SPATS2L: variants seen among roughly 807,000 people sequenced by gnomAD.
SPATS2L encodes the protein spermatogenesis associated serine rich 2 like, also known as SPATS2-like protein.
Under a neutral mutation model 59.6 loss-of-function variants are expected in SPATS2L, and 30 were observed. The ratio of observed to expected loss-of-function variants is 0.50; its 90% CI spans 0.38 to 0.68. The LOEUF (loss-of-function observed/expected upper bound fraction) is 0.68. Ranked by LOEUF, SPATS2L falls within the 30% of genes least tolerant of loss-of-function variation. The pLI, the probability that SPATS2L is intolerant of heterozygous loss-of-function variation, is 0.00. For missense variants in SPATS2L, 615 were observed against 700.0 expected, an observed-to-expected ratio of 0.88 and a Z score of 1.37; for synonymous variants, 252 against 263.5, an observed-to-expected ratio of 0.96 and a Z score of 0.42.
intron 12 of SPATS2L, 108 bp downstream of exon 12, chr2:200,473,160 G>C (rs2087204019): frequency 2.7e-6 from 3 of 1,107,956 alleles, no homozygotes; most frequent in Non-Finnish European, 3.8e-6. Flanking sequence ...GTCACACTCA[G>C]GCTCCCGCCA....
At chr2:200,436,746 G>A (rs2084321971) in intron 6 of SPATS2L, among the ~76,000 whole-genome samples, 1 of 152,076 alleles carries the variant, frequency 6.6e-6, no homozygotes, top group Admixed American at 6.6e-5. Flanking sequence ...TCAAGAATAT[G>A]ATCTCTTTAC....
chr2:200,439,989 A>T (rs2106104475), intron 7 of SPATS2L, among the ~76,000 whole-genome samples: 1 of 152,262 alleles, frequency 6.6e-6, no homozygotes. Flanking sequence ...GGTTTGATCT[A>T]CTTTCTCATT....
chr2:200,473,227 C>G (rs927006130), intron 12 of SPATS2L, among the ~76,000 whole-genome samples, 175 bp downstream of exon 12: 1 of 152,188 alleles, frequency 6.6e-6, no homozygotes, highest in African/African-American at 2.4e-5. Flanking sequence ...CTTGGGAACT[C>G]CCCTGGTCGC....
Position 200,477,669 on chromosome 2 carries a change from C to T in SPATS2L, c.1315C>T (p.Pro439Ser), listed in dbSNP as rs1171286966. 1 of 1,561,256 alleles carries T rather than the reference C, an allele frequency of 6.4e-7. No homozygotes were observed. The change falls in exon 13 of 13, where the codon CCA becomes TCA. Residue 439 changes from proline to serine, a missense_variant. Pro to Ser is a moderately conservative substitution (Grantham distance 74, BLOSUM62 -1). Coordinates refer to ENST00000409140, the MANE Select transcript of SPATS2L (RefSeq NM_001100423.2). The part of the protein sequence containing the change: ...GSSNQRRRFN[P>S]QYHNNRLNGP... Reference sequence around the variant, plus strand: ...TTCTAACCAAAGACGGAGATTTAATCCACAGTATCATAACAACAGGCTAAA... The same window carrying T: ...TTCTAACCAAAGACGGAGATTTAATTCACAGTATCATAACAACAGGCTAAA...
intron 2 of SPATS2L, among the ~76,000 whole-genome samples, chr2:200,367,114 A>G (rs1054506375): frequency 1.3e-5 from 2 of 152,226 alleles, no homozygotes; most frequent in Non-Finnish European, 2.9e-5. Context: ...TCAGTATTCT[A>G]AGTAAACTCA....
At chr2:200,456,302 T>C (rs992050835) in intron 8 of SPATS2L, among the ~76,000 whole-genome samples, 1 of 152,150 alleles carries the variant, frequency 6.6e-6, no homozygotes, top group African/African-American at 2.4e-5. Flanking sequence ...AGAGCTTGAA[T>C]TACTACGATG....
At chr2:200,393,435 C>T (rs2082232208) in intron 3 of SPATS2L, among the ~76,000 whole-genome samples, 1 of 152,246 alleles carries the variant, frequency 6.6e-6, no homozygotes, top group Non-Finnish European at 1.5e-5. Context: ...TCCTCATGAG[C>T]AGTGTCAGAT....
At chr2:200,311,453 A>C (rs1346987796) in intron 1 of SPATS2L, among the ~76,000 whole-genome samples, 1 of 152,210 alleles carries the variant, frequency 6.6e-6, no homozygotes, top group Non-Finnish European at 1.5e-5. Flanking sequence ...AGTACTGAGC[A>C]AAAAAAGCAT....
At chr2:200,431,855 A>G (rs1418430036) in intron 6 of SPATS2L, among the ~76,000 whole-genome samples, 1 of 152,352 alleles carries the variant, frequency 6.6e-6, no homozygotes, top group South Asian at 2.1e-4. Flanking sequence ...AACAAAAACA[A>G]CCAGCACAAT....
chr2:200,462,423 G>A (rs1037505765), intron 9 of SPATS2L, among the ~76,000 whole-genome samples: 1 of 152,166 alleles, frequency 6.6e-6, no homozygotes, highest in Non-Finnish European at 1.5e-5. Flanking sequence ...AAGCTTTCAG[G>A]CTAGCTGAAA....
intron 2 of SPATS2L, among the ~76,000 whole-genome samples, chr2:200,355,420 A>G (rs1290379835): frequency 6.6e-6 from 1 of 152,230 alleles, no homozygotes; most frequent in Non-Finnish European, 1.5e-5. Context: ...GATGTCTGTG[A>G]GACAGATAAG....
intron 3 of SPATS2L, among the ~76,000 whole-genome samples, chr2:200,408,904 AAACCAGAGTGAAATT>A (rs2082778770): frequency 1.3e-5 from 2 of 152,256 alleles, no homozygotes; most frequent in South Asian, 4.1e-4. Flanking sequence ...GGACTTTGCC[AAACCAGAGTGAAATT>A]AGCAGAAGCA....
At chr2:200,399,731 C>G (rs902190791) in intron 3 of SPATS2L, among the ~76,000 whole-genome samples, 1 of 152,122 alleles carries the variant, frequency 6.6e-6, no homozygotes, top group African/African-American at 2.4e-5. Context: ...AAACTCCCCT[C>G]AAAGAGAGAG....
chr2:200,399,533 A>G (rs984726561), intron 3 of SPATS2L, among the ~76,000 whole-genome samples: 3 of 152,286 alleles, frequency 2.0e-5, no homozygotes, highest in Non-Finnish European at 2.9e-5. Context: ...GGAATTTGGC[A>G]AATGCTGACT....
At chr2:200,387,267 C>G (rs1231486405) in intron 2 of SPATS2L, among the ~76,000 whole-genome samples, 1 of 152,184 alleles carries the variant, frequency 6.6e-6, no homozygotes, top group Non-Finnish European at 1.5e-5. Context: ...AACTGACTCT[C>G]CTATATGCCA....
intron 8 of SPATS2L, among the ~76,000 whole-genome samples, chr2:200,453,625 T>A (rs1574626682): frequency 6.6e-6 from 1 of 152,334 alleles, no homozygotes; most frequent in Non-Finnish European, 1.5e-5. Flanking sequence ...ACGGGGCAAC[T>A]GTAGCTTGCC....
At chr2:200,308,358 TTAGA>T (rs1405578234) in intron 1 of SPATS2L, among the ~76,000 whole-genome samples, 7 of 152,156 alleles carry the variant, frequency 4.6e-5, no homozygotes, top group East Asian at 1.9e-4. Flanking sequence ...CAATGTGTTG[TTAGA>T]TAGGGCAGTT....
At chr2:200,463,161 T>C (rs1174688247) in intron 9 of SPATS2L, 1 of 152,088 alleles carries the variant, frequency 6.6e-6, no homozygotes, top group Non-Finnish European at 1.5e-5. Context: ...ACACTATGTC[T>C]TCTCCACAGA....
chr2:200,409,278 T>C (rs1220525820), intron 3 of SPATS2L, among the ~76,000 whole-genome samples: 1 of 152,234 alleles, frequency 6.6e-6, no homozygotes, highest in Non-Finnish European at 1.5e-5. Context: ...GGTTTCCAAC[T>C]GCAAAGGCAA....
Sources: gnomAD v4.1 joint callset for allele counts (sites outside exome capture counted in the v4.1 genomes callset) on GRCh38, gnomAD v4.1.1 for gene constraint, MANE v1.5 for transcripts, NCBI Gene and HGNC (gene_info 2026-07-23, HGNC 2026-07-21) for gene names.